Variants in MGAT4C observed in about 807,000 individuals in gnomAD.
MGAT4C encodes the protein alpha-1,3-mannosyl-glycoprotein 4-beta-N-acetylglucosaminyltransferase C.
MGAT4C carries 19 observed loss-of-function variants against 40.1 expected under a neutral mutation model. That is an observed-to-expected ratio of 0.47 (90% confidence interval 0.33 to 0.70). The LOEUF (loss-of-function observed/expected upper bound fraction) is 0.70, where lower values mean the gene tolerates loss of function less well. MGAT4C is among the 30% of genes least tolerant of loss of function. The pLI is 0.02. For missense variants in MGAT4C, 491 were observed against 563.2 expected, an observed-to-expected ratio of 0.87 and a Z score of 1.30; for synonymous variants, 181 against 187.1, an observed-to-expected ratio of 0.97 and a Z score of 0.27.
chr12:86,247,844 A>G (rs1459248604), intron 1 of MGAT4C, among the ~76,000 whole-genome samples: 1 of 152,146 alleles, frequency 6.6e-6, no homozygotes, highest in Non-Finnish European at 1.5e-5. Context: ...AAGGCCACTG[A>G]AGAGTTTTAG....
At chr12:86,058,894 A>G (rs901204320) in intron 1 of MGAT4C, among the ~76,000 whole-genome samples, 6 of 152,130 alleles carry the variant, frequency 3.9e-5, no homozygotes, top group African/African-American at 1.4e-4. Flanking sequence ...ATGGTCTTAC[A>G]TGTATACAAA....
At chr12:86,242,615 G>T (rs1951836262) in intron 1 of MGAT4C, among the ~76,000 whole-genome samples, 1 of 152,036 alleles carries the variant, frequency 6.6e-6, no homozygotes, top group Non-Finnish European at 1.5e-5. Flanking sequence ...GATTTTATTT[G>T]ATTGTCCGGG....
At chr12:86,293,905 A>G (rs1040263494) in intron 4 of MGAT4C, among the ~76,000 whole-genome samples, 27 of 152,116 alleles carry the variant, frequency 1.8e-4, no homozygotes, top group Non-Finnish European at 1.2e-4. Flanking sequence ...AAGCCTCCCC[A>G]GCAATGCGGA....
chr12:86,204,958 A>T (rs1456352219), intron 1 of MGAT4C, among the ~76,000 whole-genome samples: 1 of 152,106 alleles, frequency 6.6e-6, no homozygotes, highest in Non-Finnish European at 1.5e-5. Context: ...AGTAAGTTAT[A>T]TGTTAAGAAT....
intron 2 of MGAT4C, among the ~76,000 whole-genome samples, chr12:86,505,988 C>A (rs1958467002): frequency 6.6e-6 from 1 of 152,140 alleles, no homozygotes; most frequent in South Asian, 2.1e-4. Context: ...AGATGTTTGA[C>A]AAATCATTTA....
At chr12:86,770,756 G>A (rs919850515) in intron 1 of MGAT4C, among the ~76,000 whole-genome samples, 4 of 151,952 alleles carry the variant, frequency 2.6e-5, no homozygotes, top group African/African-American at 9.7e-5. Context: ...TTCCCTATTT[G>A]AAATTTAGGT....
In MGAT4C at chr12:86,348,984, C is replaced by T. The variant is rs556434362; in HGVS notation, c.-119-14857G>A. Among the ~76,000 whole-genome samples, 5 of 152,136 alleles carry T rather than the reference C, an allele frequency of 3.3e-5. No homozygotes were observed. In the South Asian group the frequency reaches 1.0e-3, roughly 32 times the overall value. ...ATATCACTCAGTTTAAAAAGATGAA[C>T]CACACCTACTGACTAAAATTAAGCA... On this transcript the variant is annotated intron_variant, in intron 3 of 7. Coordinates refer to the MGAT4C transcript ENST00000548651.
intron 2 of MGAT4C, among the ~76,000 whole-genome samples, chr12:86,570,309 A>G (rs1592997471): frequency 5.9e-5 from 9 of 151,558 alleles, no homozygotes; most frequent in Non-Finnish European, 8.8e-5. Flanking sequence ...AATATATAAT[A>G]TTTGTCAATT....
chr12:86,477,568 A>T (rs1285248065), intron 2 of MGAT4C, among the ~76,000 whole-genome samples: 2 of 152,066 alleles, frequency 1.3e-5, no homozygotes, highest in African/African-American at 4.8e-5. Flanking sequence ...AAAAACGCAG[A>T]TAAAAAAATG....
At chr12:86,325,521 A>C (rs1954505376) in intron 4 of MGAT4C, among the ~76,000 whole-genome samples, 1 of 152,178 alleles carries the variant, frequency 6.6e-6, no homozygotes, top group Non-Finnish European at 1.5e-5. Flanking sequence ...GAGCAAATCC[A>C]AAGATCTCTA....
intron 2 of MGAT4C, among the ~76,000 whole-genome samples, chr12:86,444,621 A>G (rs1382556442): frequency 1.3e-5 from 2 of 152,218 alleles, no homozygotes; most frequent in Non-Finnish European, 2.9e-5. Flanking sequence ...CCAGTCTTCC[A>G]TATCTTAACA....
At chr12:86,157,870 G>T (rs1310058182) in intron 1 of MGAT4C, among the ~76,000 whole-genome samples, 1 of 152,046 alleles carries the variant, frequency 6.6e-6, no homozygotes, top group African/African-American at 2.4e-5. Flanking sequence ...TCCGACATGT[G>T]GGGATTATAA....
At chr12:86,221,784 C>T (rs189589211) in intron 1 of MGAT4C, among the ~76,000 whole-genome samples, 11 of 152,306 alleles carry the variant, frequency 7.2e-5, no homozygotes, top group Admixed American at 3.3e-4. Flanking sequence ...ATACTACCTG[C>T]CCACATTGCC....
At chr12:86,121,621 C>A (rs964408340) in intron 1 of MGAT4C, among the ~76,000 whole-genome samples, 1 of 152,090 alleles carries the variant, frequency 6.6e-6, no homozygotes, top group African/African-American at 2.4e-5. Flanking sequence ...AATTTTCAAC[C>A]CAGAATTTCA....
At chr12:86,272,683 T>C (rs1423482468) in intron 4 of MGAT4C, among the ~76,000 whole-genome samples, 3 of 151,948 alleles carry the variant, frequency 2.0e-5, no homozygotes, top group Non-Finnish European at 4.4e-5. Flanking sequence ...AATCCCCAAC[T>C]CTACAAACAA....
At chr12:86,021,714 T>C (rs1889751517) in intron 2 of MGAT4C, among the ~76,000 whole-genome samples, 1 of 152,110 alleles carries the variant, frequency 6.6e-6, no homozygotes, top group Non-Finnish European at 1.5e-5. Flanking sequence ...GTTGTGCACA[T>C]GTACCCTAAA....
intron 1 of MGAT4C, among the ~76,000 whole-genome samples, chr12:86,053,128 G>A (rs757650873): frequency 5.9e-5 from 9 of 151,286 alleles, no homozygotes; most frequent in Non-Finnish European, 1.2e-4. Context: ...ATGCCCACGT[G>A]TTCAATCTGA....
At chr12:86,178,093 T>C (rs537316957) in intron 1 of MGAT4C, among the ~76,000 whole-genome samples, 171 of 152,138 alleles carry the variant, frequency 1.1e-3, no homozygotes, top group Non-Finnish European at 2.0e-3. Context: ...CCCACCACCA[T>C]GCCCGGCTAA....
intron 1 of MGAT4C, among the ~76,000 whole-genome samples, chr12:86,217,775 G>A (rs1204730329): frequency 1.3e-5 from 2 of 152,118 alleles, no homozygotes; most frequent in East Asian, 1.9e-4. Context: ...AGTATGAAGA[G>A]ATTTTGTTTT....
Sources: allele counts gnomAD v4.1 joint callset (sites outside exome capture counted in the v4.1 genomes callset), GRCh38; gene constraint gnomAD v4.1.1; transcripts MANE v1.5; gene names NCBI Gene and HGNC (gene_info 2026-07-23, HGNC 2026-07-21).